The following APCDD1L variants were observed in gnomAD, a reference collection of about 807,000 sequenced individuals.
APCDD1L encodes the protein APC down-regulated 1 like.
In APCDD1L, 21 loss-of-function variants were observed where a neutral mutation model predicts 24.2. That is an observed-to-expected ratio of 0.87 (90% CI 0.61 to 1.25). The LOEUF is 1.25. APCDD1L is among the 50% of genes most tolerant of loss of function. The pLI is 0.00. For synonymous variants in APCDD1L, 321 were observed against 323.6 expected, an observed-to-expected ratio of 0.99 and a Z score of 0.09; for missense variants, 704 against 711.7, an observed-to-expected ratio of 0.99 and a Z score of 0.12.
At position 58,514,426 on chromosome 20, in the gene APCDD1L, C is replaced by A. The variant is rs6015296; in HGVS notation, c.49+233G>T. Among the ~76,000 whole-genome samples, 32 of 152,102 alleles carry A rather than the reference C, an allele frequency of 2.1e-4. No homozygotes were observed. The South Asian group carries it at 3.3e-3, about 16-fold the overall frequency. On this transcript the variant is annotated intron_variant, in intron 1 of 3. Transcript: ENST00000371149. Reference sequence around the variant, plus strand: ...GCCCCGACTGGCGCAGAGAGTGCAGCGGCTCTCATATTGCGAGGTGACGCG... The same window carrying A: ...GCCCCGACTGGCGCAGAGAGTGCAGAGGCTCTCATATTGCGAGGTGACGCG...
chr20:58,481,628 G>C (rs914084040), intron 1 of APCDD1L, among the ~76,000 whole-genome samples: 2 of 152,194 alleles, frequency 1.3e-5, no homozygotes, highest in Non-Finnish European at 2.9e-5. Context: ...CAGCGTCGGG[G>C]GAGGCACACC....
chr20:58,509,344 T>TATG (rs1491252571), intron 1 of APCDD1L, among the ~76,000 whole-genome samples: 1 of 152,160 alleles, frequency 6.6e-6, no homozygotes, highest in Admixed American at 6.5e-5. Flanking sequence ...AAGACGACAC[T>TATG]ATGATATCAA....
chr20:58,490,798 T>G (rs898934631), intron 1 of APCDD1L, among the ~76,000 whole-genome samples: 1 of 152,202 alleles, frequency 6.6e-6, no homozygotes. Context: ...AGACCCTGAA[T>G]CCTTTTGAGG....
chr20:58,471,960 G>A (rs1455001218), intron 1 of APCDD1L, among the ~76,000 whole-genome samples: 1 of 152,200 alleles, frequency 6.6e-6, no homozygotes, highest in Non-Finnish European at 1.5e-5. Context: ...CTTGGGAGGG[G>A]TTGGGGGCTG....
chr20:58,508,550 G>T lies in APCDD1L; in HGVS notation c.49+6109C>A, dbSNP rs1242426549. Among the ~76,000 whole-genome samples the T allele has an allele frequency of 6.6e-6, 1 of 152,214 alleles. No individual in the cohort carries two copies. Among genetic ancestry groups the T allele is most frequent in the Non-Finnish European group, 1.5e-5 (1 of 68,036 alleles). On this transcript the variant is annotated intron_variant, in intron 1 of 3. Transcript: ENST00000371149. This position sits in a 1 kb window ranked among gnomAD's most constrained non-coding sequence, Gnocchi z 4.0. ...CATTGGTGGTGGGGGGAAGAGATGA[G>T]GACAATGGAGCAGAGGACTGGCGGA...
chr20:58,505,071 C>T (rs1390706978), intron 1 of APCDD1L, among the ~76,000 whole-genome samples: 3 of 152,108 alleles, frequency 2.0e-5, no homozygotes, highest in South Asian at 2.1e-4. Flanking sequence ...AACATAGAGA[C>T]AAAGAAAGAA....
At chr20:58,510,375 C>T (rs1177060673) in intron 1 of APCDD1L, among the ~76,000 whole-genome samples, 1 of 152,202 alleles carries the variant, frequency 6.6e-6, no homozygotes, top group African/African-American at 2.4e-5. Context: ...CCCTGTTGCC[C>T]AGGCTGGAGT....
intron 1 of APCDD1L, among the ~76,000 whole-genome samples, chr20:58,499,108 C>T (rs904760240): frequency 2.0e-4 from 31 of 152,332 alleles, no homozygotes; most frequent in South Asian, 2.1e-4. Flanking sequence ...TGCGATGGCT[C>T]TGCCCAGGTT....
chr20:58,462,420 A>C (rs1189703089), intron 3 of APCDD1L, among the ~76,000 whole-genome samples: 13 of 152,144 alleles, frequency 8.5e-5, no homozygotes, highest in Admixed American at 5.9e-4. Context: ...TGCTCATAGC[A>C]GGTTACATCT....
rs950250908 is a variant in APCDD1L at position 58,515,093 on chromosome 20, G to A, written c.-386C>T. On this transcript the variant is annotated 5_prime_UTR_variant, in exon 1 of 4. Transcript: ENST00000371149. ...CAGTGGGCAAGGAGGCCTCCCCCAA[G>A]CTCTGGTCCCGGCCAAGGCAGAGCG... 3 of 198,146 alleles carry A rather than the reference G, an allele frequency of 1.5e-5. No individual in the cohort carries two copies. Among genetic ancestry groups the A allele is most frequent in the East Asian group, 2.3e-4 (2 of 8,598 alleles). 12.3% of individuals were successfully genotyped at this position (198,146 alleles called of 1,614,324 possible). A position where few individuals can be genotyped will look rare whatever the true frequency, so the allele number is the denominator to read the frequency against.
At chr20:58,502,659 T>G (rs1459190124) in intron 1 of APCDD1L, among the ~76,000 whole-genome samples, 1 of 152,160 alleles carries the variant, frequency 6.6e-6, no homozygotes, top group East Asian at 1.9e-4. Flanking sequence ...GCTTACTCAT[T>G]TAAGCTCTCC....
At chr20:58,477,939 G>A (rs1010872106) in intron 1 of APCDD1L, among the ~76,000 whole-genome samples, 1 of 152,148 alleles carries the variant, frequency 6.6e-6, no homozygotes, top group Non-Finnish European at 1.5e-5. Flanking sequence ...TTGATTAACA[G>A]TAATTGTGCT....
intron 1 of APCDD1L, among the ~76,000 whole-genome samples, chr20:58,504,527 A>T (rs1311645362): frequency 6.6e-6 from 1 of 152,218 alleles, no homozygotes; most frequent in African/African-American, 2.4e-5. Flanking sequence ...CTAAACCACA[A>T]GACAGTTGTG....
chr20:58,471,487 A>G (rs1989811886), intron 1 of APCDD1L, among the ~76,000 whole-genome samples: 1 of 152,248 alleles, frequency 6.6e-6, no homozygotes, highest in South Asian at 2.1e-4. Context: ...TCAGGGCAGA[A>G]GGTGACTGGA....
rs1344519521 is a variant in APCDD1L, at chr20:58,497,484, TG to T, written c.49+17174del. ...ATGAGTCTGGGCTCAAGGTGCGAGC[TG>T]GGTTGGTTCCTTCTGAGGCTGGGCC... is the stretch of plus-strand genomic sequence containing the variant. On this transcript the variant is annotated intron_variant, in intron 1 of 3. Coordinates refer to ENST00000371149, the MANE Select transcript of APCDD1L (RefSeq NM_153360.3). This position sits in a 1 kb window ranked among gnomAD's most constrained non-coding sequence, Gnocchi z 4.3. Among the ~76,000 whole-genome samples the T allele has an allele frequency of 1.3e-5, 2 of 152,124 alleles. No individual in the cohort carries two copies. The highest frequency in any genetic ancestry group is 4.8e-5 in the African/African-American group (2 of 41,404).
At chr20:58,479,965 G>A (rs1989993569) in intron 1 of APCDD1L, among the ~76,000 whole-genome samples, 1 of 152,214 alleles carries the variant, frequency 6.6e-6, no homozygotes, top group Admixed American at 6.5e-5. Context: ...CTGCAGATTG[G>A]ATGCTATGAC....
chr20:58,499,039 AG>A (rs1326939144), intron 1 of APCDD1L, among the ~76,000 whole-genome samples: 4 of 152,194 alleles, frequency 2.6e-5, no homozygotes, highest in African/African-American at 9.7e-5. Context: ...CCACAGTAAA[AG>A]TCACCGCAGT....
At chr20:58,469,733 A>G (rs1275351944) in intron 2 of APCDD1L, among the ~76,000 whole-genome samples, 1 of 152,170 alleles carries the variant, frequency 6.6e-6, no homozygotes, top group Non-Finnish European at 1.5e-5. Context: ...CCTTCCTCCA[A>G]CGAAAGCGCT....
chr20:58,480,195 A>G (rs1455337210), intron 1 of APCDD1L, among the ~76,000 whole-genome samples: 1 of 152,210 alleles, frequency 6.6e-6, no homozygotes, highest in Admixed American at 6.5e-5. Context: ...TGGGAAACAC[A>G]GAAATTATAT....
Sources: gnomAD v4.1 joint callset for allele counts (sites outside exome capture counted in the v4.1 genomes callset) on GRCh38, gnomAD v4.1.1 for gene constraint, Gnocchi (gnomAD v3.1) non-coding constraint, MANE v1.5 for transcripts, NCBI Gene and HGNC (gene_info 2026-07-23, HGNC 2026-07-21) for gene names.